Variants in MTUS2 observed in about 807,000 individuals in gnomAD.
MTUS2 encodes microtubule associated scaffold protein 2, also known as microtubule-associated tumor suppressor candidate 2.
In MTUS2, 40 loss-of-function variants were observed where a neutral mutation model predicts 114.1. That is an observed-to-expected ratio of 0.35 (90% CI 0.27 to 0.46). The LOEUF (loss-of-function observed/expected upper bound fraction) is 0.46. Ranked by LOEUF, MTUS2 falls within the 20% of genes least tolerant of loss-of-function variation. The probability of loss-of-function intolerance (pLI) is 1.00; values close to 1 mark genes in which losing one functional copy is unlikely to be tolerated. For synonymous variants in MTUS2, 688 were observed against 672.0 expected (o/e 1.02, Z -0.37); for missense variants, 1,679 against 1,705.4 (o/e 0.98, Z 0.27).
chr13:29,123,304 GATTC>G lies in MTUS2; in HGVS notation c.2644+22338_2644+22341del, dbSNP rs554210442. Among the ~76,000 whole-genome samples, 12 of 151,656 alleles carry G rather than the reference GATTC, an allele frequency of 7.9e-5. No individual in the cohort carries two copies. The South Asian group carries it at 2.5e-3, about 32-fold the overall frequency. On this transcript the variant is annotated intron_variant, in intron 5 of 15. Coordinates refer to ENST00000612955, the MANE Select transcript of MTUS2 (RefSeq NM_001033602.4). ...TTCATAGGTAGTTTAAATACTCTGT[GATTC>G]ATTGTGTTTATAATTTTCATTTAAA...
intron 5 of MTUS2, among the ~76,000 whole-genome samples, chr13:29,184,685 T>A (rs143077000): frequency 1.3e-5 from 2 of 152,312 alleles, no homozygotes; most frequent in African/African-American, 4.8e-5. Context: ...GCACAGACGT[T>A]AGTGGCACAC....
chr13:29,189,391 T>C (rs867034777), intron 5 of MTUS2, among the ~76,000 whole-genome samples: 1 of 152,206 alleles, frequency 6.6e-6, no homozygotes, highest in Admixed American at 6.5e-5. Context: ...TGGAGTGATA[T>C]GCTCCCATGC....
At chr13:29,008,394 A>G (rs1885692981) in intron 2 of MTUS2, among the ~76,000 whole-genome samples, 1 of 152,182 alleles carries the variant, frequency 6.6e-6, no homozygotes. Context: ...CGCTGGATCT[A>G]CTTTCCACCG....
chr13:29,005,023 C>G (rs12585070), intron 2 of MTUS2, among the ~76,000 whole-genome samples: 11 of 152,146 alleles, frequency 7.2e-5, no homozygotes, highest in Admixed American at 6.5e-4. Flanking sequence ...ACCAACACCT[C>G]GTGCCTGCCA....
chr13:28,970,404 C>T (rs1401950889), intron 2 of MTUS2, among the ~76,000 whole-genome samples: 1 of 152,198 alleles, frequency 6.6e-6, no homozygotes, highest in Non-Finnish European at 1.5e-5. Flanking sequence ...TGTCCTGCCA[C>T]CTGTATTTGT....
intron 8 of MTUS2, among the ~76,000 whole-genome samples, chr13:29,368,303 ACC>A (rs1870912337): frequency 6.6e-6 from 1 of 151,540 alleles, no homozygotes; most frequent in Non-Finnish European, 1.5e-5. Context: ...GGGACACAGT[ACC>A]CTGTGTCCCA....
intron 5 of MTUS2, among the ~76,000 whole-genome samples, chr13:29,103,270 A>G (rs979731913): frequency 6.6e-6 from 1 of 152,202 alleles, no homozygotes; most frequent in Non-Finnish European, 1.5e-5. Flanking sequence ...TCGTGGCGCA[A>G]ACATCATAGA....
At chr13:29,153,829 T>C (rs117580954) in intron 5 of MTUS2, among the ~76,000 whole-genome samples, 12 of 152,368 alleles carry the variant, frequency 7.9e-5, no homozygotes, top group East Asian at 7.7e-4. Flanking sequence ...CAGGTGACAC[T>C]GTATTTTTTA....
At chr13:29,086,454 G>C (rs1180160179) in intron 4 of MTUS2, among the ~76,000 whole-genome samples, 2 of 151,918 alleles carry the variant, frequency 1.3e-5, no homozygotes, top group East Asian at 3.9e-4. Flanking sequence ...TTTATTTCTG[G>C]CTTCTTTAAC....
chr13:29,072,370 A>C (rs369939776), intron 4 of MTUS2, among the ~76,000 whole-genome samples: 67 of 152,332 alleles, frequency 4.4e-4, no homozygotes, highest in African/African-American at 1.5e-3. Context: ...AGTCTCGCCA[A>C]AATCTAGTCA....
At chr13:29,364,555 G>A (rs1870544381) in intron 8 of MTUS2, among the ~76,000 whole-genome samples, 1 of 152,156 alleles carries the variant, frequency 6.6e-6, no homozygotes, top group African/African-American at 2.4e-5. Flanking sequence ...GTCAGGACAG[G>A]GTGTCTGTTA....
intron 6 of MTUS2, chr13:29,306,755 G>C: frequency 3.4e-6 from 1 of 292,874 alleles, no homozygotes; most frequent in Non-Finnish European, 7.0e-6. Flanking sequence ...CTCTTGCATT[G>C]CCAGCCGCAT....
chr13:29,048,550 C>T (rs1887740937), intron 4 of MTUS2, among the ~76,000 whole-genome samples: 1 of 152,198 alleles, frequency 6.6e-6, no homozygotes, highest in African/African-American at 2.4e-5. Flanking sequence ...CTCACTGCAG[C>T]CTCAACTTCC....
chr13:29,412,918 G>A (rs2138556015), intron 8 of MTUS2, among the ~76,000 whole-genome samples: 1 of 152,204 alleles, frequency 6.6e-6, no homozygotes, highest in Non-Finnish European at 1.5e-5. Flanking sequence ...GTCTTTACCA[G>A]CTTCACAGGC....
intron 8 of MTUS2, among the ~76,000 whole-genome samples, chr13:29,375,201 A>G (rs1375110694): frequency 1.3e-5 from 2 of 152,108 alleles, no homozygotes; most frequent in Admixed American, 6.6e-5. Flanking sequence ...ATAGAGCAGT[A>G]GAAACTGTCC....
rs995574450 is a variant in MTUS2, at chr13:29,505,657, G to A, written c.*2451G>A. On this transcript the variant is annotated 3_prime_UTR_variant, in exon 16 of 16. Coordinates refer to ENST00000612955, the MANE Select transcript of MTUS2 (RefSeq NM_001033602.4). ...TTCCAGGCTGGAGCGACGTTTCCAC[G>A]TTCGGATGCTGCAGCCTCTGCACCT... 8.7e-6 allele frequency: 2 copies of A among 230,574 alleles called. No homozygotes were observed. Among genetic ancestry groups the A allele is most frequent in the African/African-American group, 2.2e-5 (1 of 45,134 alleles). The allele number at this position is 230,574 out of a possible 1,614,324, so 14.3% of individuals were successfully genotyped here.
At chr13:28,940,277 A>G (rs1882154009) in intron 2 of MTUS2, among the ~76,000 whole-genome samples, 1 of 152,246 alleles carries the variant, frequency 6.6e-6, no homozygotes, top group South Asian at 2.1e-4. Context: ...ATGGAATATT[A>G]TTAGCTATAA....
At chr13:29,118,606 G>T (rs1281394146) in intron 5 of MTUS2, among the ~76,000 whole-genome samples, 1 of 152,206 alleles carries the variant, frequency 6.6e-6, no homozygotes, top group African/African-American at 2.4e-5. Flanking sequence ...ACATTTGTGG[G>T]AGTCTGTTAG....
chr13:28,876,136 TAGTC>T (rs561572905), intron 2 of MTUS2, among the ~76,000 whole-genome samples: 12 of 152,328 alleles, frequency 7.9e-5, no homozygotes, highest in African/African-American at 1.9e-4. Context: ...TACTGAGTGT[TAGTC>T]AGTGCACAAT....
Sources: allele counts gnomAD v4.1 joint callset (sites outside exome capture counted in the v4.1 genomes callset), GRCh38; gene constraint gnomAD v4.1.1; transcripts MANE v1.5; gene names NCBI Gene and HGNC (gene_info 2026-07-23, HGNC 2026-07-21).